Variants in METAP1 observed in about 807,000 individuals in gnomAD.
The protein encoded by METAP1 is methionyl aminopeptidase 1, also known as methionine aminopeptidase 1.
A neutral mutation model predicts 53.8 loss-of-function variants in METAP1; 28 were observed. The observed-to-expected ratio is 0.52, with a 90% CI of 0.39 to 0.71. The LOEUF (loss-of-function observed/expected upper bound fraction) is 0.71. METAP1 is among the 30% of genes least tolerant of loss of function. METAP1 has a pLI of 0.00. For missense variants in METAP1, 389 were observed against 479.8 expected, an observed-to-expected ratio of 0.81 and a Z score of 1.77; for synonymous variants, 181 against 165.7, an observed-to-expected ratio of 1.09 and a Z score of -0.71.
intron 1 of METAP1, among the ~76,000 whole-genome samples, chr4:99,020,659 C>T (rs910403084): frequency 1.3e-5 from 2 of 152,176 alleles, no homozygotes; most frequent in African/African-American, 4.8e-5. Flanking sequence ...TAAAGAGAAA[C>T]TGGCCCCAGC....
At chr4:99,022,409 C>T in intron 1 of METAP1, 1 of 739,138 alleles carries the variant, frequency 1.4e-6, no homozygotes, top group Non-Finnish European at 2.1e-6. Flanking sequence ...TGGGCCTTGT[C>T]CTAGGCAGTT....
chr4:99,039,571 A>T, intron 5 of METAP1, 106 bp downstream of exon 5: 2 of 623,612 alleles, frequency 3.2e-6, no homozygotes, highest in Admixed American at 3.1e-5. Context: ...ATATTGTTAG[A>T]CTGACCAGCC....
At chr4:99,056,595 G>A (rs926681402) in intron 9 of METAP1, among the ~76,000 whole-genome samples, 17 of 151,870 alleles carry the variant, frequency 1.1e-4, no homozygotes, top group Non-Finnish European at 2.2e-4. Context: ...TTTTTGAGAC[G>A]GAGTCTTGCT....
At chr4:99,041,170 C>T (rs1438882768) in intron 6 of METAP1, 44 bp downstream of exon 6, 1 of 1,296,556 alleles carries the variant, frequency 7.7e-7, no homozygotes, top group East Asian at 2.5e-5. Flanking sequence ...TGTTACATTA[C>T]TAGATGCTTT....
intron 1 of METAP1, among the ~76,000 whole-genome samples, chr4:99,021,311 C>G (rs1354384575): frequency 1.3e-5 from 2 of 152,176 alleles, no homozygotes; most frequent in African/African-American, 4.8e-5. Flanking sequence ...TACCTTGGCT[C>G]ATGCACGAGG....
At chr4:99,051,422 G>A (rs149709952) in intron 9 of METAP1, among the ~76,000 whole-genome samples, 212 of 152,120 alleles carry the variant, frequency 1.4e-3, no homozygotes, top group Admixed American at 4.2e-3. Flanking sequence ...ACAGGATCTC[G>A]CTGTGTCGCC....
chr4:98,998,085 T>TG, intron 1 of METAP1, among the ~76,000 whole-genome samples: 1 of 152,264 alleles, frequency 6.6e-6, no homozygotes, highest in Non-Finnish European at 1.5e-5. Flanking sequence ...CTGAGCCTCT[T>TG]GCTCTAGCCA....
chr4:99,025,694 G>C (rs1222466767), intron 1 of METAP1, among the ~76,000 whole-genome samples: 6 of 152,118 alleles, frequency 3.9e-5, no homozygotes, highest in Admixed American at 2.6e-4. Context: ...ACTCTAACCT[G>C]AAAGACTGGT....
chr4:99,013,521 C>T (rs1242280642), intron 1 of METAP1, among the ~76,000 whole-genome samples: 3 of 152,186 alleles, frequency 2.0e-5, no homozygotes, highest in East Asian at 1.9e-4. Flanking sequence ...AAAGGGTGCA[C>T]TCACCAGCAG....
At chr4:99,041,275 A>G (rs1725845539) in intron 6 of METAP1, 149 bp downstream of exon 6, 1 of 474,448 alleles carries the variant, frequency 2.1e-6, no homozygotes, top group South Asian at 4.4e-5. Flanking sequence ...TCAAATATGG[A>G]AAACATTCAA....
Position 99,057,733 on chromosome 4 carries a change from AT to A in METAP1, c.932-13del, listed in dbSNP as rs763783660. ...ACTGTTGGTTTTGCTACCTTTTGAG[AT>A]TTTTTTCTTTGATTTCAGAAAATAA... On this transcript the variant is annotated intron_variant, in intron 9 of 10. Coordinates refer to ENST00000296411, the MANE Select transcript of METAP1 (RefSeq NM_015143.3). 6 of 1,563,392 alleles carry A rather than the reference AT, an allele frequency of 3.8e-6. No homozygotes were observed. The highest frequency in any genetic ancestry group is 1.2e-5 in the South Asian group (1 of 84,616).
At chr4:99,019,940 G>A (rs142258457) in intron 1 of METAP1, among the ~76,000 whole-genome samples, 1 of 152,244 alleles carries the variant, frequency 6.6e-6, no homozygotes, top group East Asian at 1.9e-4. Context: ...AGGCCTTAGT[G>A]AGGTTTTGGG....
chr4:99,061,251 C>G lies in METAP1; in HGVS notation c.1095C>G (p.Asp365Glu). The G allele has an allele frequency of 6.2e-7, 1 of 1,613,994 alleles. No individual in the cohort carries two copies. The highest frequency in any genetic ancestry group is 8.5e-7 in the Non-Finnish European group (1 of 1,179,872). Residue 365 changes from aspartate (D) to glutamate (E), a missense_variant, in exon 11 of 11, where the codon GAC (aspartate) becomes GAG (glutamate). Transcript: ENST00000296411. The part of the protein sequence containing the change: ...AQFEHTLLVT[D>E]TGCEILTRRL... ...TTGAGCACACCCTCCTGGTCACAGACACTGGCTGTGAAATCCTAACCCGGC... is the reference window on the plus strand; with the variant it reads ...TTGAGCACACCCTCCTGGTCACAGAGACTGGCTGTGAAATCCTAACCCGGC...
intron 1 of METAP1, among the ~76,000 whole-genome samples, chr4:99,022,070 C>CA (rs1278394548): frequency 4.6e-5 from 7 of 152,108 alleles, no homozygotes; most frequent in Admixed American, 1.3e-4. Flanking sequence ...AACCAAGAGT[C>CA]AAAACAAGCA....
chr4:98,995,934 C>A, intron 1 of METAP1, 67 bp downstream of exon 1: 3 of 1,281,242 alleles, frequency 2.3e-6, no homozygotes, highest in African/African-American at 1.5e-5. Context: ...CCCCTGCTGG[C>A]TCCTCCCGCC....
At chr4:98,999,411 C>T (rs1245626723) in intron 1 of METAP1, among the ~76,000 whole-genome samples, 2 of 150,522 alleles carry the variant, frequency 1.3e-5, no homozygotes, top group Admixed American at 6.7e-5. Flanking sequence ...GTATGTAAAG[C>T]TCTTAGCATA....
Position 99,061,407 on chromosome 4 carries a change from C to A in METAP1, c.*90C>A. 2.4e-6 allele frequency: 3 copies of A among 1,257,342 alleles called. No individual in the cohort carries two copies. The highest frequency in any genetic ancestry group is 3.1e-5 in the South Asian group (2 of 65,526). 77.9% of individuals were successfully genotyped at this position (1,257,342 alleles called of 1,614,324 possible). On this transcript the variant is annotated 3_prime_UTR_variant, in exon 11 of 11. Coordinates refer to ENST00000296411, the MANE Select transcript of METAP1 (RefSeq NM_015143.3). ...AAAGGAAGAGGAACCTTTTTTTAATCACTTGTTTTGTTTTGACTATAGATA... is the reference window on the plus strand; with the variant it reads ...AAAGGAAGAGGAACCTTTTTTTAATAACTTGTTTTGTTTTGACTATAGATA...
Position 99,043,375 on chromosome 4 carries a change from G to T in METAP1, c.643G>T (p.Asp215Tyr). The T allele has an allele frequency of 6.3e-7, 1 of 1,596,864 alleles. No homozygotes were observed. Among genetic ancestry groups the T allele is most frequent in the Non-Finnish European group, 8.5e-7 (1 of 1,171,184 alleles). The stretch of plus-strand genomic sequence containing the variant: ...AGACAGAAGGCCCTTACAAGAAGGT[G>T]ACATTGTTAATGGTAAGAAAAATAT... ...IPDRRPLQEGDIVNVDITLYR... is the reference protein window; with the variant it reads ...IPDRRPLQEGYIVNVDITLYR... The change falls in exon 7 of 11, where the codon GAC becomes TAC. Residue 215 changes from aspartate to tyrosine, a missense_variant. By Grantham distance (160) the Asp-to-Tyr change is radical. Transcript: ENST00000296411.
intron 1 of METAP1, among the ~76,000 whole-genome samples, chr4:99,000,417 G>A (rs1305873409): frequency 1.3e-5 from 2 of 152,168 alleles, no homozygotes; most frequent in African/African-American, 2.4e-5. Context: ...CCTCTTCAAT[G>A]GAGTTGAGCA....
Sources: allele counts gnomAD v4.1 joint callset (sites outside exome capture counted in the v4.1 genomes callset), GRCh38; gene constraint gnomAD v4.1.1; transcripts MANE v1.5; gene names NCBI Gene and HGNC (gene_info 2026-07-23, HGNC 2026-07-21).